AGAP1: variants seen among roughly 807,000 people sequenced by gnomAD.
AGAP1 encodes ArfGAP with GTPase domain, ankyrin repeat and PH domain 1.
AGAP1 carries 29 observed loss-of-function variants against 105.3 expected under a neutral mutation model. The observed-to-expected ratio is 0.28, with a 90% CI of 0.21 to 0.38. The LOEUF is 0.38. AGAP1 is among the 10% of genes least tolerant of loss of function. The pLI, the probability that AGAP1 is intolerant of heterozygous loss-of-function variation, is 1.00. For missense variants in AGAP1, 998 were observed against 1,165.1 expected, an observed-to-expected ratio of 0.86 and a Z score of 2.09; for synonymous variants, 509 against 485.9, an observed-to-expected ratio of 1.05 and a Z score of -0.63.
intron 1 of AGAP1, among the ~76,000 whole-genome samples, chr2:235,694,561 T>C (rs1352344463): frequency 1.3e-5 from 2 of 151,340 alleles, no homozygotes; most frequent in African/African-American, 2.4e-5. Context: ...GGCAAGAGAA[T>C]TGCTTTAACC....
In AGAP1 at chr2:235,879,031, A is replaced by C. The variant is rs2106604028; in HGVS notation, c.1051-4314A>C. On this transcript the variant is annotated intron_variant, in intron 9 of 17. Coordinates refer to ENST00000304032, the MANE Select transcript of AGAP1 (RefSeq NM_001037131.3). This position sits in a 1 kb window ranked among gnomAD's most constrained non-coding sequence, Gnocchi z 5.0. ...CGTGGGGAGCAGGTCACCGCCCATC[A>C]GTAGGAACAGGAGACTTTGGCAGCC... Among the ~76,000 whole-genome samples, 1 of 152,334 alleles carries C rather than the reference A, an allele frequency of 6.6e-6. No homozygotes were observed. Among genetic ancestry groups the C allele is most frequent in the South Asian group, 2.1e-4 (1 of 4,820 alleles).
intron 9 of AGAP1, among the ~76,000 whole-genome samples, chr2:235,836,312 A>G (rs2106368356): frequency 6.6e-6 from 1 of 152,322 alleles, no homozygotes; most frequent in East Asian, 1.9e-4. Flanking sequence ...TGAGTGAGTA[A>G]TACTCAAATT....
rs1350866142 is a variant in AGAP1, at chr2:236,056,681, C to G, written c.2114+7400C>G. On this transcript the variant is annotated intron_variant, in intron 16 of 17. Coordinates refer to ENST00000304032, the MANE Select transcript of AGAP1 (RefSeq NM_001037131.3). This position sits in a 1 kb window ranked among gnomAD's most constrained non-coding sequence, Gnocchi z 4.6. ...TTTTGCACCAGAGACTCTCTGTCTTCTAGTGAACTTTTCTCTTTCTTCTTC... is the reference window on the plus strand; with the variant it reads ...TTTTGCACCAGAGACTCTCTGTCTTGTAGTGAACTTTTCTCTTTCTTCTTC... Among the ~76,000 whole-genome samples the G allele has an allele frequency of 6.6e-6, 1 of 152,216 alleles. No homozygotes were observed. The highest frequency in any genetic ancestry group is 2.4e-5 in the African/African-American group (1 of 41,452).
chr2:235,922,009 G>A (rs1402489326), intron 11 of AGAP1, among the ~76,000 whole-genome samples: 2 of 152,330 alleles, frequency 1.3e-5, no homozygotes, highest in South Asian at 2.1e-4. Flanking sequence ...AACAGATGGC[G>A]AAGGCCTAGT....
chr2:235,653,356 C>G (rs1455316856), intron 1 of AGAP1, among the ~76,000 whole-genome samples: 1 of 151,870 alleles, frequency 6.6e-6, no homozygotes, highest in African/African-American at 2.4e-5. Context: ...CCCAGCTACT[C>G]GGGAGGCTGA....
At chr2:235,831,794 G>A (rs1321498203) in intron 9 of AGAP1, among the ~76,000 whole-genome samples, 2 of 152,192 alleles carry the variant, frequency 1.3e-5, no homozygotes, top group South Asian at 2.1e-4. Flanking sequence ...TTTTTGTGTG[G>A]ACCTAAGTTT....
Position 235,507,760 on chromosome 2 carries a change from G to A in AGAP1, c.163+12911G>A, listed in dbSNP as rs116043544. ...TCTGAAGGTGGCAGAGTCAGGATTC[G>A]AACTCGGGACCCGTGGACACCAGCC... On this transcript the variant is annotated intron_variant, in intron 1 of 17. Transcript: ENST00000304032. Among the ~76,000 whole-genome samples the A allele has an allele frequency of 9.0e-3, 1,363 of 152,212 alleles. 21 individuals are homozygous for A. The highest frequency in any genetic ancestry group is 0.065 in the East Asian group (338 of 5,168).
intron 9 of AGAP1, among the ~76,000 whole-genome samples, chr2:235,829,392 G>C (rs1959189056): frequency 6.6e-6 from 1 of 152,214 alleles, no homozygotes; most frequent in South Asian, 2.1e-4. Context: ...GTATTTTCAG[G>C]ATGTAGAGAC....
chr2:235,496,658 T>A (rs1032991586), intron 1 of AGAP1, among the ~76,000 whole-genome samples: 1 of 152,204 alleles, frequency 6.6e-6, no homozygotes, highest in African/African-American at 2.4e-5. Flanking sequence ...ACCTCGTTTT[T>A]ATTTCCCATT....
intron 9 of AGAP1, among the ~76,000 whole-genome samples, chr2:235,819,395 G>C (rs372008853): frequency 6.6e-6 from 1 of 152,062 alleles, no homozygotes; most frequent in Admixed American, 6.5e-5. Flanking sequence ...GATTACAGGC[G>C]TGAGCCACTG....
rs1026018952 is a variant in AGAP1 at position 235,642,348 on chromosome 2, C to T, written c.164-66831C>T. Among the ~76,000 whole-genome samples, 1 of 152,248 alleles carries T rather than the reference C, an allele frequency of 6.6e-6. No homozygotes were observed. Among genetic ancestry groups the T allele is most frequent in the Non-Finnish European group, 1.5e-5 (1 of 68,040 alleles). ...CTCAACCTCCTGGGACCTGGGGCTG[C>T]ACCCACTGGCATTGATTAGAAGAGA... is the stretch of plus-strand genomic sequence containing the variant. On this transcript the variant is annotated intron_variant, in intron 1 of 17. Coordinates refer to ENST00000304032, the MANE Select transcript of AGAP1 (RefSeq NM_001037131.3). This position sits in a 1 kb window ranked among gnomAD's most constrained non-coding sequence, Gnocchi z 4.1.
At chr2:235,946,921 G>A (rs1416992993) in intron 12 of AGAP1, among the ~76,000 whole-genome samples, 1 of 152,122 alleles carries the variant, frequency 6.6e-6, no homozygotes, top group Non-Finnish European at 1.5e-5. Context: ...TCTGACCCCA[G>A]TTTAAACGTG....
intron 10 of AGAP1, among the ~76,000 whole-genome samples, chr2:235,894,110 T>G (rs1441633834): frequency 2.6e-5 from 4 of 152,166 alleles, no homozygotes; most frequent in African/African-American, 9.7e-5. Context: ...AGAACAAAGA[T>G]CTGGAACTAT....
Position 235,609,407 on chromosome 2 carries a change from G to T in AGAP1, c.164-99772G>T, listed in dbSNP as rs1287701643. ...GCGGGAAGCCTCCACAACAGGTGGA[G>T]AAAATAGCAAGGGCTGCTGGGCACG... On this transcript the variant is annotated intron_variant, in intron 1 of 17. Transcript: ENST00000304032. The surrounding 1 kb of genome is among the most constrained non-coding windows in gnomAD (Gnocchi z 5.1). 6.6e-6 allele frequency among the ~76,000 whole-genome samples: 1 copy of T among 152,174 alleles called. No homozygotes were observed. The highest frequency in any genetic ancestry group is 1.5e-5 in the Non-Finnish European group (1 of 68,040).
chr2:235,595,741 A>G (rs1945505500), intron 1 of AGAP1, among the ~76,000 whole-genome samples: 1 of 152,324 alleles, frequency 6.6e-6, no homozygotes, highest in South Asian at 2.1e-4. Flanking sequence ...ATAGCCGATG[A>G]TTGATGTGAA....
In AGAP1 at chr2:235,623,905, A is replaced by C. The variant is rs1262768349; in HGVS notation, c.164-85274A>C. Among the ~76,000 whole-genome samples the C allele has an allele frequency of 6.6e-6, 1 of 152,170 alleles. No individual in the cohort carries two copies. Among genetic ancestry groups the C allele is most frequent in the Admixed American group, 6.5e-5 (1 of 15,284 alleles). Reference sequence around the variant, plus strand: ...TGTTTCCATTTTCAAGATGATTCCAATTTGAGCTGTCTCCTGGAGAAGTTG... The same window carrying C: ...TGTTTCCATTTTCAAGATGATTCCACTTTGAGCTGTCTCCTGGAGAAGTTG... On this transcript the variant is annotated intron_variant, in intron 1 of 17. Transcript: ENST00000304032. This position sits in a 1 kb window ranked among gnomAD's most constrained non-coding sequence, Gnocchi z 4.5.
At chr2:235,585,408 C>A (rs1264606716) in intron 1 of AGAP1, among the ~76,000 whole-genome samples, 1 of 152,154 alleles carries the variant, frequency 6.6e-6, no homozygotes, top group African/African-American at 2.4e-5. Context: ...TTGGACCCAC[C>A]TGTGTAATCC....
At chr2:235,627,192 GTTTTTTTTTT>G (rs36086999) in intron 1 of AGAP1, among the ~76,000 whole-genome samples, 2 of 95,556 alleles carry the variant, frequency 2.1e-5, no homozygotes, top group Admixed American at 1.3e-4. Flanking sequence ...CTGTTTTGAG[GTTTTTTTTTT>G]TTTTTTTTTT....
In AGAP1 at chr2:236,038,511, G is replaced by A. The variant is rs567791234; in HGVS notation, c.1800+1796G>A. Among the ~76,000 whole-genome samples the A allele has an allele frequency of 4.6e-5, 7 of 152,296 alleles. No homozygotes were observed. In the South Asian group the frequency reaches 6.2e-4, roughly 14 times the overall value. The stretch of plus-strand genomic sequence containing the variant: ...ATGCTGCCCTCGGCCCTCACTAGGC[G>A]CCTGTTCTCCAGGGAATTGCTCCCT... On this transcript the variant is annotated intron_variant, in intron 14 of 17. Transcript: ENST00000304032. This position sits in a 1 kb window ranked among gnomAD's most constrained non-coding sequence, Gnocchi z 4.5.
Sources: allele counts gnomAD v4.1 joint callset (sites outside exome capture counted in the v4.1 genomes callset), GRCh38; gene constraint gnomAD v4.1.1; non-coding constraint Gnocchi (gnomAD v3.1); transcripts MANE v1.5; gene names NCBI Gene and HGNC (gene_info 2026-07-23, HGNC 2026-07-21).